CDKAL1: variants seen among roughly 807,000 people sequenced by gnomAD.
CDKAL1 encodes threonylcarbamoyladenosine tRNA methylthiotransferase.
CDKAL1 carries 32 observed loss-of-function variants against 68.2 expected under a neutral mutation model. The ratio of observed to expected loss-of-function variants is 0.47; its 90% CI spans 0.35 to 0.63. The LOEUF (loss-of-function observed/expected upper bound fraction) is 0.63, where lower values mean the gene tolerates loss of function less well. Among genes scored for constraint, CDKAL1 ranks in the 30% least tolerant of loss-of-function variants. The probability of loss-of-function intolerance (pLI) is 0.00; values close to 1 mark genes in which losing one functional copy is unlikely to be tolerated. For missense variants in CDKAL1, 606 were observed against 696.7 expected (o/e 0.87, Z 1.47); for synonymous variants, 234 against 244.3 (o/e 0.96, Z 0.39).
chr6:20,564,064 G>A (rs1764368659), intron 4 of CDKAL1, among the ~76,000 whole-genome samples: 1 of 152,138 alleles, frequency 6.6e-6, no homozygotes, highest in Admixed American at 6.5e-5. Context: ...TTAATCTCAT[G>A]AAATTGAAGT....
intron 5 of CDKAL1, among the ~76,000 whole-genome samples, chr6:20,669,621 A>G (rs73732723): frequency 0.093 from 14,107 of 152,214 alleles, 2,100 homozygotes; most frequent in African/African-American, 0.32. Flanking sequence ...CCATTTTTAA[A>G]TGCAGAGTTC....
At chr6:20,672,391 G>C (rs916186049) in intron 5 of CDKAL1, among the ~76,000 whole-genome samples, 1 of 147,642 alleles carries the variant, frequency 6.8e-6, no homozygotes, top group East Asian at 2.0e-4. Flanking sequence ...ATCTCACTCT[G>C]TCACCCAGGC....
At chr6:20,909,180 CATGT>C (rs551372521) in intron 9 of CDKAL1, among the ~76,000 whole-genome samples, 15 of 99,766 alleles carry the variant, frequency 1.5e-4, no homozygotes, top group Admixed American at 3.6e-4. Flanking sequence ...TATATGTGTG[CATGT>C]ATGTGTGTGT....
chr6:21,136,373 T>C (rs1775598610), intron 13 of CDKAL1, among the ~76,000 whole-genome samples: 1 of 152,196 alleles, frequency 6.6e-6, no homozygotes, highest in East Asian at 1.9e-4. Context: ...TCTCAGGCTG[T>C]TGGGAAGGAT....
intron 6 of CDKAL1, among the ~76,000 whole-genome samples, chr6:20,743,400 C>T (rs1021899052): frequency 6.6e-6 from 1 of 152,112 alleles, no homozygotes; most frequent in Non-Finnish European, 1.5e-5. Flanking sequence ...GAGCAAGCTG[C>T]TTATTGTACA....
At chr6:20,641,467 T>C (rs143275390) in intron 4 of CDKAL1, among the ~76,000 whole-genome samples, 3 of 152,302 alleles carry the variant, frequency 2.0e-5, no homozygotes, top group East Asian at 1.9e-4. Context: ...ATGAATACAA[T>C]ATTGGAGCCC....
intron 4 of CDKAL1, among the ~76,000 whole-genome samples, chr6:20,602,443 A>G (rs1188557013): frequency 1.3e-5 from 2 of 152,132 alleles, no homozygotes; most frequent in African/African-American, 4.8e-5. Flanking sequence ...CCTTCATGTC[A>G]AGTTTATTCT....
At chr6:20,913,691 T>G (rs1762581605) in intron 9 of CDKAL1, among the ~76,000 whole-genome samples, 1 of 152,180 alleles carries the variant, frequency 6.6e-6, no homozygotes, top group South Asian at 2.1e-4. Flanking sequence ...ACCCCAGATT[T>G]ATAGAGTTTG....
chr6:20,630,768 G>C (rs1767641525), intron 4 of CDKAL1, among the ~76,000 whole-genome samples: 1 of 152,106 alleles, frequency 6.6e-6, no homozygotes, highest in Non-Finnish European at 1.5e-5. Context: ...GATCCATCCT[G>C]GCACTGCCTT....
At chr6:21,027,294 A>G (rs1449178239) in intron 11 of CDKAL1, among the ~76,000 whole-genome samples, 3 of 152,046 alleles carry the variant, frequency 2.0e-5, no homozygotes, top group African/African-American at 7.2e-5. Context: ...CTCCAACTTT[A>G]CCTAACTTAT....
At chr6:20,672,250 C>A (rs1769864138) in intron 5 of CDKAL1, among the ~76,000 whole-genome samples, 1 of 132,438 alleles carries the variant, frequency 7.6e-6, no homozygotes, top group Non-Finnish European at 1.6e-5. Context: ...TTCTTTCTTT[C>A]TTTCTTTCTT....
chr6:21,174,510 C>T (rs1258430384), intron 13 of CDKAL1, among the ~76,000 whole-genome samples: 1 of 152,024 alleles, frequency 6.6e-6, no homozygotes, highest in African/African-American at 2.4e-5. Context: ...ATTCAATAAA[C>T]ACATGAAAAG....
intron 10 of CDKAL1, among the ~76,000 whole-genome samples, chr6:20,991,415 C>T (rs1159179745): frequency 6.6e-6 from 1 of 152,058 alleles, no homozygotes; most frequent in Non-Finnish European, 1.5e-5. Flanking sequence ...GGTTCAAAAT[C>T]AACCAGTCTT....
chr6:21,106,347 A>G (rs576498970), intron 12 of CDKAL1, among the ~76,000 whole-genome samples: 54 of 152,366 alleles, frequency 3.5e-4, no homozygotes, highest in African/African-American at 1.2e-3. Flanking sequence ...CGAACAATAT[A>G]TAGTCTTCCT....
At chr6:20,771,287 A>G (rs1774929485) in intron 7 of CDKAL1, among the ~76,000 whole-genome samples, 1 of 152,200 alleles carries the variant, frequency 6.6e-6, no homozygotes, top group African/African-American at 2.4e-5. Context: ...AGGCAGTGAT[A>G]ACACTTATCT....
At chr6:20,983,384 C>T (rs991445418) in intron 10 of CDKAL1, among the ~76,000 whole-genome samples, 5 of 152,148 alleles carry the variant, frequency 3.3e-5, no homozygotes, top group African/African-American at 4.8e-5. Context: ...TTAAAAATTA[C>T]CTTTGACATA....
At chr6:20,774,455 A>G (rs1309399556) in intron 7 of CDKAL1, among the ~76,000 whole-genome samples, 1 of 152,108 alleles carries the variant, frequency 6.6e-6, no homozygotes, top group Non-Finnish European at 1.5e-5. Flanking sequence ...TTTGTGAGTG[A>G]CCTTTATGAT....
rs150033894 is a variant in CDKAL1, at chr6:20,949,937, G to A, written c.743-5482G>A. ...CCCAGGTAGCTGGGACTACAGGCATGCACCACTGTGCCTGGCTAATTTTTG... is the reference window on the plus strand; with the variant it reads ...CCCAGGTAGCTGGGACTACAGGCATACACCACTGTGCCTGGCTAATTTTTG... On this transcript the variant is annotated intron_variant, in intron 9 of 15. Coordinates refer to ENST00000274695, the MANE Select transcript of CDKAL1 (RefSeq NM_017774.3). Among the ~76,000 whole-genome samples the A allele has an allele frequency of 2.0e-3, 297 of 152,092 alleles. 2 individuals carry two copies. The highest frequency in any genetic ancestry group is 6.9e-3 in the African/African-American group (288 of 41,474).
intron 5 of CDKAL1, among the ~76,000 whole-genome samples, chr6:20,715,933 T>G (rs988875205): frequency 1.3e-5 from 2 of 152,224 alleles, no homozygotes; most frequent in Non-Finnish European, 2.9e-5. Flanking sequence ...TTTTCTGATA[T>G]GGATTTATTT....
Sources: gnomAD v4.1 joint callset for allele counts (sites outside exome capture counted in the v4.1 genomes callset) on GRCh38, gnomAD v4.1.1 for gene constraint, MANE v1.5 for transcripts, NCBI Gene and HGNC (gene_info 2026-07-23, HGNC 2026-07-21) for gene names.